Variants in DNAJC2 observed in about 807,000 individuals in gnomAD.
The protein encoded by DNAJC2 is dnaJ homolog subfamily C member 2.
Under a neutral mutation model 94.0 loss-of-function variants are expected in DNAJC2, and 32 were observed. That is an observed-to-expected ratio of 0.34 (90% CI 0.26 to 0.46). DNAJC2 has a LOEUF of 0.46. Among genes scored for constraint, DNAJC2 ranks in the 20% least tolerant of loss-of-function variants. The pLI is 1.00. For missense variants in DNAJC2, 550 were observed against 719.5 expected (o/e 0.76, Z 2.69); for synonymous variants, 210 against 229.7 (o/e 0.91, Z 0.77).
At chr7:103,329,284 GA>G in intron 3 of DNAJC2, 1 of 187,018 alleles carries the variant, frequency 5.3e-6, no homozygotes, top group Non-Finnish European at 1.1e-5. Flanking sequence ...CCATTTCATA[GA>G]TGAGGAAAAT....
At chr7:103,313,718 A>T in intron 15 of DNAJC2, 1 of 985,306 alleles carries the variant, frequency 1.0e-6, no homozygotes. Context: ...AATAACTGCT[A>T]TTGTGGTTCT....
intron 15 of DNAJC2, 145 bp downstream of exon 15, chr7:103,315,619 T>C (rs1274152272): frequency 3.5e-6 from 2 of 572,182 alleles, no homozygotes; most frequent in East Asian, 5.7e-5. Context: ...AAGTAAATCT[T>C]TGCCCTGGAA....
chr7:103,321,346 G>A (rs1046207531), intron 10 of DNAJC2, among the ~76,000 whole-genome samples: 3 of 151,946 alleles, frequency 2.0e-5, no homozygotes, highest in African/African-American at 7.3e-5. Context: ...GTGAAACTCT[G>A]TCTCAACTAA....
chr7:103,332,320 T>A (rs1819010831), intron 3 of DNAJC2, among the ~76,000 whole-genome samples: 1 of 152,226 alleles, frequency 6.6e-6, no homozygotes, highest in Admixed American at 6.5e-5. Context: ...GCTATTATTT[T>A]TAACATTTTA....
chr7:103,314,307 C>A, intron 15 of DNAJC2: 1 of 985,396 alleles, frequency 1.0e-6, no homozygotes, highest in Non-Finnish European at 1.2e-6. Context: ...TTGCAAAACT[C>A]CTATGAGAAA....
At chr7:103,323,475 A>C in intron 7 of DNAJC2, 123 bp downstream of exon 7, 1 of 1,034,370 alleles carries the variant, frequency 9.7e-7, no homozygotes, top group Non-Finnish European at 1.3e-6. Flanking sequence ...ATATTAAAAA[A>C]TTGTTTAAAA....
intron 2 of DNAJC2, among the ~76,000 whole-genome samples, chr7:103,338,457 T>C (rs1197400649): frequency 2.0e-5 from 3 of 151,216 alleles, no homozygotes; most frequent in Non-Finnish European, 4.4e-5. Context: ...CCACCACGCC[T>C]GGCTAATTTG....
In DNAJC2 at chr7:103,341,991, C is replaced by T. The variant is rs147711937; in HGVS notation, c.65-37G>A. 8.3e-5 allele frequency: 120 copies of T among 1,441,664 alleles called. 2 individuals carry two copies. In the Middle Eastern group the frequency reaches 1.1e-3, roughly 13 times the overall value. 89.3% of individuals were successfully genotyped at this position (1,441,664 alleles called of 1,614,324 possible). A position where few individuals can be genotyped will look rare whatever the true frequency, so the allele number is the denominator to read the frequency against. On this transcript the variant is annotated intron_variant, in intron 1 of 16. Transcript: ENST00000379263. Reference sequence around the variant, plus strand: ...AGTGTTAAGAGAGGCTTCAGTGTATCGCATGGAATAAATATGTTTCAAGGC... The same window carrying T: ...AGTGTTAAGAGAGGCTTCAGTGTATTGCATGGAATAAATATGTTTCAAGGC...
In DNAJC2 at chr7:103,327,755, C is replaced by A; in HGVS notation, c.332-1G>T. On this transcript the variant is annotated splice_acceptor_variant, in intron 3 of 16. Coordinates refer to ENST00000379263, the MANE Select transcript of DNAJC2 (RefSeq NM_014377.3). LOFTEE classifies it high-confidence loss of function. The stretch of plus-strand genomic sequence containing the variant: ...TGATGTTTTAAAACCATTGCTTTAT[C>A]TACAAAACCAGTCAGATTGAGATAA... 1 of 1,604,772 alleles carries A rather than the reference C, an allele frequency of 6.2e-7. No individual in the cohort carries two copies. Among genetic ancestry groups the A allele is most frequent in the South Asian group, 1.1e-5 (1 of 90,088 alleles).
rs542215519 is a variant in DNAJC2, at chr7:103,327,902, A to G, written c.332-148T>C. Reference sequence around the variant, plus strand: ...TATATGCTTATTCAATGTGAAAATTATAGAGAAACTGATTTATTTCTTCTT... The same window carrying G: ...TATATGCTTATTCAATGTGAAAATTGTAGAGAAACTGATTTATTTCTTCTT... On this transcript the variant is annotated intron_variant, in intron 3 of 16. Transcript: ENST00000379263. 97 of 550,126 alleles carry G rather than the reference A, an allele frequency of 1.8e-4. 1 individual carries two copies. The highest frequency in any genetic ancestry group is 6.8e-4 in the South Asian group (26 of 38,292). The allele number at this position is 550,126 out of a possible 1,614,324, so 34.1% of individuals were successfully genotyped here.
At position 103,327,285 on chromosome 7, in the gene DNAJC2, A is replaced by G. The variant is rs753592099; in HGVS notation, c.430+371T>C. The G allele has an allele frequency of 6.2e-5, 28 of 452,494 alleles. No individual in the cohort carries two copies. In the South Asian group the frequency reaches 8.8e-4, roughly 14 times the overall value. 28.0% of individuals were successfully genotyped at this position (452,494 alleles called of 1,614,324 possible). A position where few individuals can be genotyped will look rare whatever the true frequency, so the allele number is the denominator to read the frequency against. On this transcript the variant is annotated intron_variant, in intron 4 of 16. Transcript: ENST00000379263. Reference sequence around the variant, plus strand: ...TTAGTCCCATAAAGCATCTGAAACGAAAAAAAAAAAAATCTTAGTATTCTC... The same window carrying G: ...TTAGTCCCATAAAGCATCTGAAACGGAAAAAAAAAAAATCTTAGTATTCTC...
intron 10 of DNAJC2, among the ~76,000 whole-genome samples, chr7:103,320,128 G>A (rs1056753302): frequency 2.1e-4 from 32 of 152,190 alleles, no homozygotes; most frequent in African/African-American, 6.7e-4. Flanking sequence ...TCTCACTGTC[G>A]CCCAGGCTGG....
chr7:103,324,421 C>CT, intron 6 of DNAJC2, 61 bp downstream of exon 6: 1 of 1,363,176 alleles, frequency 7.3e-7, no homozygotes, highest in African/African-American at 1.5e-5. Context: ...CAATCAAGTA[C>CT]TTATTGAATA....
chr7:103,341,219 C>T (rs1819361986), intron 2 of DNAJC2, among the ~76,000 whole-genome samples: 1 of 152,178 alleles, frequency 6.6e-6, no homozygotes, highest in Admixed American at 6.5e-5. Flanking sequence ...CCCTTTCAAG[C>T]AATTTCCTGT....
intron 3 of DNAJC2, among the ~76,000 whole-genome samples, chr7:103,334,103 A>T (rs1252863590): frequency 2.0e-5 from 3 of 152,044 alleles, no homozygotes; most frequent in African/African-American, 7.2e-5. Context: ...GGTACCCGCC[A>T]CCACGCCCAG....
chr7:103,327,755 C>T lies in DNAJC2; in HGVS notation c.332-1G>A. 1.2e-6 allele frequency: 2 copies of T among 1,604,772 alleles called. No individual in the cohort carries two copies. Among genetic ancestry groups the T allele is most frequent in the Non-Finnish European group, 8.5e-7 (1 of 1,173,524 alleles). ...TGATGTTTTAAAACCATTGCTTTAT[C>T]TACAAAACCAGTCAGATTGAGATAA... On this transcript the variant is annotated splice_acceptor_variant, in intron 3 of 16. Transcript: ENST00000379263. LOFTEE classifies it high-confidence loss of function.
intron 2 of DNAJC2, among the ~76,000 whole-genome samples, chr7:103,339,586 A>G (rs1586114604): frequency 6.7e-6 from 1 of 149,986 alleles, no homozygotes; most frequent in Middle Eastern, 3.5e-3. Context: ...CGAAACTTTT[A>G]GTTTGCCAAA....
intron 15 of DNAJC2, among the ~76,000 whole-genome samples, chr7:103,315,308 C>T (rs1185021575): frequency 2.6e-5 from 4 of 152,004 alleles, no homozygotes. Context: ...TGAACATTTT[C>T]ATATTTGCTA....
chr7:103,321,910 G>C, intron 10 of DNAJC2, 22 bp downstream of exon 10: 2 of 1,595,148 alleles, frequency 1.3e-6, no homozygotes, highest in Non-Finnish European at 1.7e-6. Context: ...CTTGTGCCTA[G>C]TGTTTGTTCA....
Sources: allele counts gnomAD v4.1 joint callset (sites outside exome capture counted in the v4.1 genomes callset), GRCh38; gene constraint gnomAD v4.1.1; transcripts MANE v1.5; gene names NCBI Gene and HGNC (gene_info 2026-07-23, HGNC 2026-07-21).